Variants in ATL3 observed in about 807,000 individuals in gnomAD.
The protein encoded by ATL3 is atlastin-3.
A neutral mutation model predicts 69.5 loss-of-function variants in ATL3; 49 were observed. The observed-to-expected ratio is 0.71, with a 90% CI of 0.56 to 0.89. The LOEUF (loss-of-function observed/expected upper bound fraction) is 0.89, where lower values mean the gene tolerates loss of function less well. Among genes scored for constraint, ATL3 ranks in the 40% least tolerant of loss-of-function variants. The probability of loss-of-function intolerance (pLI) is 0.00; values close to 1 mark genes in which losing one functional copy is unlikely to be tolerated. For missense variants in ATL3, 606 were observed against 645.7 expected (o/e 0.94, Z 0.67); for synonymous variants, 214 against 224.1 (o/e 0.95, Z 0.40).
At chr11:63,662,870 C>T (rs1468040556) in intron 1 of ATL3, among the ~76,000 whole-genome samples, 1 of 151,936 alleles carries the variant, frequency 6.6e-6, no homozygotes, top group Non-Finnish European at 1.5e-5. Flanking sequence ...CAGTACCCAG[C>T]CAAGAAGTCC....
In ATL3 at chr11:63,652,390, A is replaced by G. The variant is rs142906766; in HGVS notation, c.510+81T>C. ...ACATATCATCCTAGAAATTCTGTTA[A>G]CAGAACAATAACCAAAACTGTATTT... On this transcript the variant is annotated intron_variant, in intron 4 of 12. Transcript: ENST00000398868. 8.5e-5 allele frequency: 75 copies of G among 880,920 alleles called. No homozygotes were observed. In the Middle Eastern group the frequency reaches 1.4e-3, roughly 17 times the overall value. 54.6% of individuals were successfully genotyped at this position (880,920 alleles called of 1,614,324 possible).
rs1461767993 is a variant in ATL3, at chr11:63,661,200, T to C, written c.47-1948A>G. On this transcript the variant is annotated intron_variant, in intron 1 of 12. Transcript: ENST00000398868. ...TCGCGCCACTGCACTCCAGCCTGGGTGGCAGAGTGAGACTTGGTCTCAAAA... is the reference window on the plus strand; with the variant it reads ...TCGCGCCACTGCACTCCAGCCTGGGCGGCAGAGTGAGACTTGGTCTCAAAA... Among the ~76,000 whole-genome samples, 3 of 146,794 alleles carry C rather than the reference T, an allele frequency of 2.0e-5. No individual in the cohort carries two copies. The East Asian group carries it at 6.0e-4, about 29-fold the overall frequency.
intron 11 of ATL3, chr11:63,632,769 AATTT>A: frequency 2.3e-6 from 2 of 886,544 alleles, no homozygotes; most frequent in Non-Finnish European, 3.7e-6. Flanking sequence ...TGCTCATGTG[AATTT>A]ATTACTCCCA....
intron 8 of ATL3, chr11:63,637,779 C>T (rs1211138316): frequency 6.6e-6 from 1 of 152,136 alleles, no homozygotes; most frequent in African/African-American, 2.4e-5. Flanking sequence ...ACTCCACCAA[C>T]CAGACTATAA....
At chr11:63,652,431 T>C in intron 4 of ATL3, 40 bp downstream of exon 4, 1 of 1,304,592 alleles carries the variant, frequency 7.7e-7, no homozygotes, top group Non-Finnish European at 1.1e-6. Context: ...CTTTATCTTA[T>C]TTCCTTTGCG....
chr11:63,663,771 C>T (rs1416304736), intron 1 of ATL3, among the ~76,000 whole-genome samples: 1 of 152,166 alleles, frequency 6.6e-6, no homozygotes, highest in East Asian at 1.9e-4. Context: ...TCTGGTTGTT[C>T]CCCCAATATT....
rs906159646 is a variant in ATL3, at chr11:63,625,481, T to G, written c.*3838A>C. The G allele has an allele frequency of 6.6e-6, 1 of 152,242 alleles. No individual in the cohort carries two copies. Among genetic ancestry groups the G allele is most frequent in the Non-Finnish European group, 1.5e-5 (1 of 68,042 alleles). The allele number at this position is 152,242 out of a possible 1,614,324, so 9.4% of individuals were successfully genotyped here. A position where few individuals can be genotyped will look rare whatever the true frequency, so the allele number is the denominator to read the frequency against. On this transcript the variant is annotated 3_prime_UTR_variant, in exon 13 of 13. Transcript: ENST00000398868. ...AAAAAATTAAAAAATTAAAACTGTT[T>G]TATTGCTTTTGCATGGACTTGATTC...
At chr11:63,634,427 A>C (rs1939448468) in intron 10 of ATL3, among the ~76,000 whole-genome samples, 1 of 151,984 alleles carries the variant, frequency 6.6e-6, no homozygotes, top group African/African-American at 2.4e-5. Flanking sequence ...GAATGGCGTG[A>C]ACCCAGGAGG....
chr11:63,652,881 T>C (rs1217422345), intron 3 of ATL3, among the ~76,000 whole-genome samples: 1 of 152,148 alleles, frequency 6.6e-6, no homozygotes, highest in African/African-American at 2.4e-5. Context: ...TTTCCTGTTG[T>C]TGAAAAAGAA....
At chr11:63,664,478 T>A (rs888694025) in intron 1 of ATL3, among the ~76,000 whole-genome samples, 33 of 151,420 alleles carry the variant, frequency 2.2e-4, no homozygotes, top group Non-Finnish European at 1.6e-4. Context: ...AGGCAGAGGT[T>A]GCTGTGAGCC....
intron 11 of ATL3, chr11:63,632,249 T>C (rs1420621906): frequency 6.9e-6 from 5 of 726,430 alleles, no homozygotes; most frequent in Non-Finnish European, 1.0e-5. Flanking sequence ...GGGGAAACCT[T>C]CTGACTTGTT....
At chr11:63,629,718 T>TCA (rs1316156587) in intron 12 of ATL3, among the ~76,000 whole-genome samples, 1 of 152,184 alleles carries the variant, frequency 6.6e-6, no homozygotes, top group Non-Finnish European at 1.5e-5. Context: ...TGTGACCATG[T>TCA]CAATGTCCAA....
In ATL3 at chr11:63,652,605, G is replaced by A. The variant is rs1452381480; in HGVS notation, c.406-30C>T. The stretch of plus-strand genomic sequence containing the variant: ...AAAAAAGGAAAATACAAACAAAAGA[G>A]ATTAAACTAAGAAGGAGGAAACCGT... On this transcript the variant is annotated intron_variant, in intron 3 of 12. Transcript: ENST00000398868. 2.0e-6 allele frequency: 3 copies of A among 1,506,030 alleles called. No homozygotes were observed. The African/African-American group carries it at 4.2e-5, about 21-fold the overall frequency. 93.3% of individuals were successfully genotyped at this position (1,506,030 alleles called of 1,614,324 possible). A position where few individuals can be genotyped will look rare whatever the true frequency, so the allele number is the denominator to read the frequency against.
chr11:63,644,327 A>G (rs1343201943), intron 6 of ATL3, 66 bp from the exon 7 acceptor site: 2 of 956,652 alleles, frequency 2.1e-6, no homozygotes, highest in African/African-American at 3.3e-5. Context: ...AACAACTGCA[A>G]TACATCTTTG....
intron 3 of ATL3, 44 bp from the exon 4 acceptor site, chr11:63,652,619 G>A: frequency 7.1e-7 from 1 of 1,409,518 alleles, no homozygotes; most frequent in Non-Finnish European, 9.9e-7. Context: ...AAACTAAGAA[G>A]GAGGAAACCG....
chr11:63,640,337 G>C (rs898203080), intron 8 of ATL3, among the ~76,000 whole-genome samples: 3 of 152,182 alleles, frequency 2.0e-5, no homozygotes, highest in Non-Finnish European at 1.5e-5. Context: ...ACCCAGGCTA[G>C]AGTGCGGTGG....
Position 63,664,541 on chromosome 11 carries a change from T to TA in ATL3, c.47-5290dup, listed in dbSNP as rs1003965661. Among the ~76,000 whole-genome samples, 8 of 150,436 alleles carry TA rather than the reference T, an allele frequency of 5.3e-5. No homozygotes were observed. The East Asian group carries it at 5.9e-4, about 11-fold the overall frequency. On this transcript the variant is annotated intron_variant, in intron 1 of 12. Coordinates refer to ENST00000398868, the MANE Select transcript of ATL3 (RefSeq NM_015459.5). The stretch of plus-strand genomic sequence containing the variant: ...GGCAACAGAGCGAAACTCTGTCTTT[T>TA]AAAAAAAAGCGTACTGAGCAATGTG...
intron 1 of ATL3, among the ~76,000 whole-genome samples, chr11:63,660,835 T>C (rs543078804): frequency 6.6e-6 from 1 of 152,190 alleles, no homozygotes; most frequent in African/African-American, 2.4e-5. Context: ...TGCTAAGCTT[T>C]ATTTAGATAT....
At chr11:63,641,026 T>C (rs1226427518) in intron 8 of ATL3, among the ~76,000 whole-genome samples, 2 of 152,220 alleles carry the variant, frequency 1.3e-5, no homozygotes, top group East Asian at 3.8e-4. Context: ...TTCATAAAGA[T>C]GATCATTTAT....
Sources: allele counts gnomAD v4.1 joint callset (sites outside exome capture counted in the v4.1 genomes callset), GRCh38; gene constraint gnomAD v4.1.1; transcripts MANE v1.5; gene names NCBI Gene and HGNC (gene_info 2026-07-23, HGNC 2026-07-21).